SEMA6A: variants seen among roughly 807,000 people sequenced by gnomAD.
SEMA6A encodes semaphorin 6A, also known as semaphorin-6A.
A neutral mutation model predicts 96.8 loss-of-function variants in SEMA6A; 25 were observed. The ratio of observed to expected loss-of-function variants is 0.26; its 90% confidence interval spans 0.19 to 0.36. The LOEUF is 0.36. Among genes scored for constraint, SEMA6A ranks in the 10% least tolerant of loss-of-function variants. The pLI is 1.00. For missense variants in SEMA6A, 1,363 were observed against 1,323.1 expected (o/e 1.03, Z -0.47); for synonymous variants, 612 against 518.0 (o/e 1.18, Z -2.46).
chr5:116,541,833 A>AAAACAAAC (rs370936195), intron 1 of SEMA6A, among the ~76,000 whole-genome samples: 7 of 152,104 alleles, frequency 4.6e-5, no homozygotes, highest in Non-Finnish European at 5.9e-5. Context: ...ACTCCATCTC[A>AAAACAAAC]AAACAAACAA....
At chr5:116,504,240 C>T (rs1218959569) in intron 2 of SEMA6A, among the ~76,000 whole-genome samples, 2 of 152,106 alleles carry the variant, frequency 1.3e-5, no homozygotes, top group East Asian at 3.9e-4. Flanking sequence ...ATTGAATGTT[C>T]CATCCAACAC....
intron 1 of SEMA6A, among the ~76,000 whole-genome samples, chr5:116,570,032 A>G (rs1410638613): frequency 1.3e-5 from 2 of 152,142 alleles, no homozygotes; most frequent in African/African-American, 2.4e-5. Flanking sequence ...AAAGTTTTGC[A>G]AGAGCTCATC....
chr5:116,546,615 A>G (rs1490856795), intron 1 of SEMA6A, among the ~76,000 whole-genome samples: 1 of 152,226 alleles, frequency 6.6e-6, no homozygotes, highest in Admixed American at 6.5e-5. Context: ...CTGGTTCAGG[A>G]GCAAGGCTTT....
chr5:116,465,091 G>A (rs1362727173), intron 18 of SEMA6A, among the ~76,000 whole-genome samples: 3 of 152,182 alleles, frequency 2.0e-5, no homozygotes, highest in African/African-American at 7.2e-5. Flanking sequence ...ACCCGTCACA[G>A]GCCCTTAGAA....
intron 18 of SEMA6A, among the ~76,000 whole-genome samples, chr5:116,448,361 A>G (rs1405054311): frequency 1.3e-5 from 2 of 151,814 alleles, no homozygotes; most frequent in Non-Finnish European, 2.9e-5. Context: ...AGAAAGAAAG[A>G]AAAGTGCTGT....
In SEMA6A at chr5:116,497,409, T is replaced by C. The variant is rs1361011244; in HGVS notation, c.219-22A>G. On this transcript the variant is annotated intron_variant, in intron 3 of 18. Transcript: ENST00000343348. Reference sequence around the variant, plus strand: ...GTCCCTATAGGCAAAGAAAAATTAATACAAGGTCAAACACAGAGTCAAAAC... The same window carrying C: ...GTCCCTATAGGCAAAGAAAAATTAACACAAGGTCAAACACAGAGTCAAAAC... 2.9e-5 allele frequency: 43 copies of C among 1,475,706 alleles called. No homozygotes were observed. The Admixed American group carries it at 7.4e-4, about 25-fold the overall frequency. The allele number at this position is 1,475,706 out of a possible 1,614,324, so 91.4% of individuals were successfully genotyped here. A position where few individuals can be genotyped will look rare whatever the true frequency, so the allele number is the denominator to read the frequency against.
chr5:116,566,017 G>A (rs1371489553), intron 1 of SEMA6A, among the ~76,000 whole-genome samples: 1 of 143,088 alleles, frequency 7.0e-6, no homozygotes, highest in Non-Finnish European at 1.6e-5. Context: ...AGGGAAAGAA[G>A]AATGGATCTA....
intron 1 of SEMA6A, among the ~76,000 whole-genome samples, chr5:116,553,486 A>G (rs1760495367): frequency 6.6e-6 from 1 of 152,246 alleles, no homozygotes; most frequent in South Asian, 2.1e-4. Context: ...TGCCTGCCAC[A>G]GGACTGTGTG....
chr5:116,469,329 T>A (rs1755962188), intron 17 of SEMA6A: 1 of 152,216 alleles, frequency 6.6e-6, no homozygotes, highest in Non-Finnish European at 1.5e-5. Context: ...TTTCTGAGGT[T>A]CACATCTCAT....
intron 2 of SEMA6A, among the ~76,000 whole-genome samples, chr5:116,503,690 T>C (rs933394743): frequency 6.6e-6 from 1 of 151,992 alleles, no homozygotes; most frequent in East Asian, 1.9e-4. Flanking sequence ...TTTTTTCTTT[T>C]GTATTTTAGT....
At chr5:116,502,731 A>G (rs1757946984) in intron 2 of SEMA6A, 1 of 173,214 alleles carries the variant, frequency 5.8e-6, no homozygotes, top group Admixed American at 5.8e-5. Flanking sequence ...AACTATTTCA[A>G]AGCAGCCTTC....
intron 18 of SEMA6A, among the ~76,000 whole-genome samples, chr5:116,461,280 A>G (rs1046990700): frequency 6.6e-6 from 1 of 152,096 alleles, no homozygotes; most frequent in African/African-American, 2.4e-5. Context: ...TACCTGACTC[A>G]GTTAATTTTC....
rs1758104690 is a variant in SEMA6A at position 116,505,462 on chromosome 5, C to CAT, written c.-38-481_-38-480insAT. Among the ~76,000 whole-genome samples the CAT allele has an allele frequency of 1.6e-5, 2 of 127,678 alleles. 1 individual carries two copies. Among genetic ancestry groups the CAT allele is most frequent in the South Asian group, 4.5e-4 (2 of 4,464 alleles). The allele number at this position is 127,678 out of a possible 152,430, so 83.8% of individuals were successfully genotyped here. On this transcript the variant is annotated intron_variant, in intron 1 of 18. Transcript: ENST00000343348. ...AGGTACACAGACACACGCACGCGCACACACACACACACACACACACACATC... is the reference window on the plus strand; with the variant it reads ...AGGTACACAGACACACGCACGCGCACATACACACACACACACACACACACATC...
intron 1 of SEMA6A, among the ~76,000 whole-genome samples, chr5:116,537,839 C>G (rs144951248): frequency 6.6e-6 from 1 of 152,110 alleles, no homozygotes; most frequent in Non-Finnish European, 1.5e-5. Flanking sequence ...TTAATATAGA[C>G]AGGTGGCACA....
At chr5:116,483,399 G>C (rs915767052) in intron 10 of SEMA6A, among the ~76,000 whole-genome samples, 2 of 152,086 alleles carry the variant, frequency 1.3e-5, no homozygotes, top group Non-Finnish European at 2.9e-5. Context: ...GCACCAGCTG[G>C]CCAAGAGTTT....
chr5:116,535,521 A>G (rs1759668366), intron 1 of SEMA6A, among the ~76,000 whole-genome samples: 1 of 152,220 alleles, frequency 6.6e-6, no homozygotes, highest in Admixed American at 6.5e-5. Context: ...ACTGTGATCA[A>G]GGTAATACCA....
chr5:116,480,944 C>G (rs1325178078), intron 11 of SEMA6A, among the ~76,000 whole-genome samples: 1 of 152,146 alleles, frequency 6.6e-6, no homozygotes, highest in African/African-American at 2.4e-5. Context: ...TTTCAGGAGT[C>G]AAGGGTCATC....
At chr5:116,481,270 A>T (rs2278265) in intron 11 of SEMA6A, among the ~76,000 whole-genome samples, 45,508 of 151,998 alleles carry the variant, frequency 0.3, 8,030 homozygotes, top group African/African-American at 0.49. Flanking sequence ...ATAAGAACTT[A>T]CTGAAACCTG....
At chr5:116,474,594 A>T (rs1408598930) in intron 16 of SEMA6A, among the ~76,000 whole-genome samples, 1 of 152,210 alleles carries the variant, frequency 6.6e-6, no homozygotes, top group African/African-American at 2.4e-5. Flanking sequence ...GATTATAACT[A>T]ATCTCTAAAA....
Sources: gnomAD v4.1 joint callset for allele counts (sites outside exome capture counted in the v4.1 genomes callset) on GRCh38, gnomAD v4.1.1 for gene constraint, MANE v1.5 for transcripts, NCBI Gene and HGNC (gene_info 2026-07-23, HGNC 2026-07-21) for gene names.